GXYLT2: variants seen among roughly 807,000 people sequenced by gnomAD.
The protein encoded by GXYLT2 is glycosyltransferase 8 domain containing 4.
A neutral mutation model predicts 45.8 loss-of-function variants in GXYLT2; 53 were observed. The observed-to-expected ratio is 1.16, with a 90% CI of 0.93 to 1.46. The LOEUF (loss-of-function observed/expected upper bound fraction) is 1.46, where lower values mean the gene tolerates loss of function less well. Among genes scored for constraint, GXYLT2 ranks in the 40% most tolerant of loss-of-function variants. GXYLT2 has a pLI of 0.00. For missense variants in GXYLT2, 551 were observed against 544.4 expected, an observed-to-expected ratio of 1.01 and a Z score of -0.12; for synonymous variants, 219 against 214.2, an observed-to-expected ratio of 1.02 and a Z score of -0.19.
chr3:72,888,237 A>T lies in GXYLT2; in HGVS notation c.4A>T (p.Lys2Ter). ...GCCGCCGCCGCCGCGCCGCACCATG[A>T]AGCTCCGCAGCAAGGCGGCGGCGCT... M[K>*]LRSKAAALLL... is the part of the protein sequence containing the mutation. The change falls in exon 1 of 7, where the codon AAG becomes TAG. Residue 2 changes from lysine (K) to a stop codon, truncating the protein, a stop_gained. Coordinates refer to ENST00000389617, the MANE Select transcript of GXYLT2 (RefSeq NM_001080393.2). LOFTEE classifies it high-confidence loss of function. 1 of 993,742 alleles carries T rather than the reference A, an allele frequency of 1.0e-6. No individual in the cohort carries two copies. Among genetic ancestry groups the T allele is most frequent in the Non-Finnish European group, 1.2e-6 (1 of 838,664 alleles). The allele number at this position is 993,742 out of a possible 1,614,324, so 61.6% of individuals were successfully genotyped here. A position where few individuals can be genotyped will look rare whatever the true frequency, so the allele number is the denominator to read the frequency against.
chr3:72,975,445 C>A lies in GXYLT2; in HGVS notation c.*286C>A. 1 of 260,812 alleles carries A rather than the reference C, an allele frequency of 3.8e-6. No individual in the cohort carries two copies. The highest frequency in any genetic ancestry group is 2.2e-5 in the African/African-American group (1 of 45,210). 16.2% of individuals were successfully genotyped at this position (260,812 alleles called of 1,614,324 possible). On this transcript the variant is annotated 3_prime_UTR_variant, in exon 7 of 7. Transcript: ENST00000389617. ...TAGCTGTGAAAATAGCTTTTGTGAG[C>A]CTTCTAATTCCTAAACGTCTGAGAC...
At chr3:72,922,485 G>C (rs1709848981) in intron 3 of GXYLT2, 150 bp downstream of exon 3, 1 of 716,142 alleles carries the variant, frequency 1.4e-6, no homozygotes, top group African/African-American at 1.8e-5. Flanking sequence ...AGCATGTAGA[G>C]AGGATCCCTG....
intron 3 of GXYLT2, among the ~76,000 whole-genome samples, chr3:72,930,558 G>A (rs1710008698): frequency 6.7e-6 from 1 of 148,694 alleles, no homozygotes; most frequent in African/African-American, 2.5e-5. Context: ...GGAGATATGA[G>A]TGCCCCTCTT....
intron 3 of GXYLT2, among the ~76,000 whole-genome samples, chr3:72,954,689 A>G (rs1710600302): frequency 6.7e-6 from 1 of 148,594 alleles, no homozygotes; most frequent in African/African-American, 2.5e-5. Flanking sequence ...GAGATTGTCC[A>G]CTTCAGGTTT....
At chr3:72,931,831 A>T (rs1166522981) in intron 3 of GXYLT2, among the ~76,000 whole-genome samples, 1 of 152,096 alleles carries the variant, frequency 6.6e-6, no homozygotes, top group Non-Finnish European at 1.5e-5. Flanking sequence ...GAGGAGTAAC[A>T]CCAAAACTAA....
intron 3 of GXYLT2, among the ~76,000 whole-genome samples, chr3:72,938,919 A>C (rs556094885): frequency 6.6e-6 from 1 of 152,336 alleles, no homozygotes; most frequent in Non-Finnish European, 1.5e-5. Context: ...TTGTTTGCAA[A>C]GACTAAACTG....
At chr3:72,953,751 G>C (rs569289349) in intron 3 of GXYLT2, among the ~76,000 whole-genome samples, 1 of 152,238 alleles carries the variant, frequency 6.6e-6, no homozygotes, top group East Asian at 1.9e-4. Context: ...CACAAACAAA[G>C]CTAGCCAATG....
At chr3:72,891,472 TG>T (rs1280175237) in intron 1 of GXYLT2, among the ~76,000 whole-genome samples, 2 of 152,202 alleles carry the variant, frequency 1.3e-5, no homozygotes, top group Non-Finnish European at 2.9e-5. Flanking sequence ...ACTAGTCATT[TG>T]TATGCAATCT....
At chr3:72,970,778 C>T (rs1214400471) in intron 6 of GXYLT2, among the ~76,000 whole-genome samples, 1 of 152,082 alleles carries the variant, frequency 6.6e-6, no homozygotes, top group Non-Finnish European at 1.5e-5. Context: ...AGGAGAATCA[C>T]TTGAACCTGG....
chr3:72,911,993 G>GTGTGTATATATA (rs1381632448), intron 2 of GXYLT2, among the ~76,000 whole-genome samples: 9 of 122,908 alleles, frequency 7.3e-5, no homozygotes, highest in African/African-American at 3.6e-4. Context: ...GTGTGTGTGT[G>GTGTGTATATATA]TATATATATA....
At chr3:72,951,815 T>A in intron 3 of GXYLT2, among the ~76,000 whole-genome samples, 1 of 151,944 alleles carries the variant, frequency 6.6e-6, no homozygotes, top group East Asian at 1.9e-4. Flanking sequence ...TGTTTTGTTT[T>A]GTTTATTTTT....
chr3:72,918,511 C>T (rs572623403), intron 2 of GXYLT2, among the ~76,000 whole-genome samples: 6 of 152,082 alleles, frequency 3.9e-5, no homozygotes, highest in Non-Finnish European at 5.9e-5. Context: ...GTTGTAGCAA[C>T]GGGAAGGCAT....
At chr3:72,892,861 A>G (rs904685037) in intron 1 of GXYLT2, among the ~76,000 whole-genome samples, 3 of 152,084 alleles carry the variant, frequency 2.0e-5, no homozygotes, top group Non-Finnish European at 4.4e-5. Flanking sequence ...ATTTTTGTTG[A>G]TTGGTCCATG....
Position 72,968,755 on chromosome 3 carries a change from G to T in GXYLT2, c.1149+1036G>T, listed in dbSNP as rs1343719558. On this transcript the variant is annotated intron_variant, in intron 6 of 6. Coordinates refer to ENST00000389617, the MANE Select transcript of GXYLT2 (RefSeq NM_001080393.2). ...AGCCTGGCCAATATGGTGAAACCCT[G>T]TCTCTACTAAAAATACAAAAATTAG... is the stretch of plus-strand genomic sequence containing the variant. Among the ~76,000 whole-genome samples the T allele has an allele frequency of 3.3e-5, 5 of 152,076 alleles. No individual in the cohort carries two copies. The East Asian group carries it at 9.7e-4, about 30-fold the overall frequency.
intron 1 of GXYLT2, among the ~76,000 whole-genome samples, chr3:72,894,304 A>G (rs967044571): frequency 6.6e-6 from 1 of 152,184 alleles, no homozygotes; most frequent in Non-Finnish European, 1.5e-5. Context: ...TCTTAGCTGA[A>G]CTAGATGGTT....
intron 1 of GXYLT2, among the ~76,000 whole-genome samples, chr3:72,893,018 G>A (rs1270486607): frequency 6.6e-6 from 1 of 152,050 alleles, no homozygotes; most frequent in African/African-American, 2.4e-5. Flanking sequence ...ACACCTGCAG[G>A]TGCCTACTCT....
chr3:72,958,530 C>T (rs978094368), intron 5 of GXYLT2, among the ~76,000 whole-genome samples: 7 of 150,572 alleles, frequency 4.6e-5, no homozygotes, highest in South Asian at 4.2e-4. Context: ...ATCAAATCCT[C>T]GAAAAGAAAA....
chr3:72,889,348 T>A (rs548583907), intron 1 of GXYLT2, among the ~76,000 whole-genome samples: 2 of 152,380 alleles, frequency 1.3e-5, no homozygotes, highest in East Asian at 3.9e-4. Context: ...TGTTTCTAAC[T>A]GCCATTGCAA....
At chr3:72,930,839 C>T (rs1217574564) in intron 3 of GXYLT2, among the ~76,000 whole-genome samples, 1 of 152,066 alleles carries the variant, frequency 6.6e-6, no homozygotes, top group Non-Finnish European at 1.5e-5. Flanking sequence ...AGTGATCCAC[C>T]TGCCTCAGCC....
Sources: allele counts gnomAD v4.1 joint callset (sites outside exome capture counted in the v4.1 genomes callset), GRCh38; gene constraint gnomAD v4.1.1; transcripts MANE v1.5; gene names NCBI Gene and HGNC (gene_info 2026-07-23, HGNC 2026-07-21).